Variants in KCTD16 observed in about 807,000 individuals in gnomAD.
KCTD16 encodes the protein potassium channel tetramerization domain containing 16.
Under a neutral mutation model 33.2 loss-of-function variants are expected in KCTD16, and 13 were observed. The observed-to-expected ratio is 0.39, with a 90% CI of 0.25 to 0.62. The LOEUF is 0.62. Among genes scored for constraint, KCTD16 ranks in the 20% least tolerant of loss-of-function variants. The pLI is 0.50. For synonymous variants in KCTD16, 197 were observed against 195.3 expected, an observed-to-expected ratio of 1.01 and a Z score of -0.07; for missense variants, 441 against 525.1, an observed-to-expected ratio of 0.84 and a Z score of 1.57.
intron 2 of KCTD16, among the ~76,000 whole-genome samples, chr5:144,205,057 A>G (rs1465011663): frequency 1.3e-5 from 2 of 152,150 alleles, no homozygotes; most frequent in Non-Finnish European, 2.9e-5. Context: ...TTTATCTCAC[A>G]ACTTACCTCT....
intron 3 of KCTD16, among the ~76,000 whole-genome samples, chr5:144,322,522 C>CAAA (rs542954295): frequency 1.6e-3 from 247 of 151,178 alleles, no homozygotes; most frequent in African/African-American, 5.8e-3. Flanking sequence ...AACAAACAAA[C>CAAA]AAAAAAAACA....
intron 3 of KCTD16, chr5:144,383,162 C>T (rs546791437): frequency 2.0e-5 from 3 of 152,206 alleles, no homozygotes; most frequent in African/African-American, 7.2e-5. Flanking sequence ...GAGCAGAAGA[C>T]GCATAGTTGA....
At chr5:144,271,851 T>C (rs1755306862) in intron 3 of KCTD16, among the ~76,000 whole-genome samples, 1 of 152,030 alleles carries the variant, frequency 6.6e-6, no homozygotes, top group Non-Finnish European at 1.5e-5. Flanking sequence ...AAAAATCAGT[T>C]GTATTTCTAT....
intron 2 of KCTD16, among the ~76,000 whole-genome samples, chr5:144,178,523 T>G (rs2126771947): frequency 6.6e-6 from 1 of 152,320 alleles, no homozygotes; most frequent in East Asian, 1.9e-4. Context: ...AACACATTTT[T>G]TCCTTTTGAT....
At chr5:144,363,664 G>A (rs1333117052) in intron 3 of KCTD16, among the ~76,000 whole-genome samples, 11 of 152,244 alleles carry the variant, frequency 7.2e-5, no homozygotes, top group African/African-American at 2.6e-4. Context: ...TGCCTCTGGA[G>A]AGGATGGGTG....
intron 3 of KCTD16, among the ~76,000 whole-genome samples, chr5:144,463,631 T>G (rs1754253601): frequency 6.6e-6 from 1 of 152,178 alleles, no homozygotes; most frequent in Admixed American, 6.5e-5. Flanking sequence ...TGCTTCTCTG[T>G]GGAAATTCTG....
At chr5:144,302,853 C>T (rs927984783) in intron 3 of KCTD16, among the ~76,000 whole-genome samples, 3 of 152,200 alleles carry the variant, frequency 2.0e-5, no homozygotes, top group Non-Finnish European at 4.4e-5. Context: ...AAAAAGCCCA[C>T]TTGGCCTCTT....
intron 3 of KCTD16, among the ~76,000 whole-genome samples, chr5:144,388,902 A>G (rs1435773546): frequency 6.6e-6 from 1 of 152,194 alleles, no homozygotes; most frequent in Non-Finnish European, 1.5e-5. Flanking sequence ...ATATGTACAT[A>G]TATGTGTCTT....
intron 3 of KCTD16, among the ~76,000 whole-genome samples, chr5:144,222,823 C>T (rs993741998): frequency 2.0e-4 from 31 of 152,186 alleles, no homozygotes; most frequent in Non-Finnish European, 4.1e-4. Context: ...AATCATGCTG[C>T]TATAAAGACA....
At chr5:144,241,837 C>T (rs974988667) in intron 3 of KCTD16, among the ~76,000 whole-genome samples, 2 of 152,154 alleles carry the variant, frequency 1.3e-5, no homozygotes, top group Non-Finnish European at 2.9e-5. Context: ...TAGGAAAAAA[C>T]AACACAAATC....
chr5:144,287,014 A>G (rs1755764128), intron 3 of KCTD16, among the ~76,000 whole-genome samples: 1 of 152,238 alleles, frequency 6.6e-6, no homozygotes, highest in Non-Finnish European at 1.5e-5. Context: ...ATTATCCAAG[A>G]CAGAATTAAA....
intron 3 of KCTD16, among the ~76,000 whole-genome samples, chr5:144,295,469 G>A (rs997925807): frequency 2.0e-5 from 3 of 152,154 alleles, no homozygotes; most frequent in East Asian, 1.9e-4. Context: ...AAACTCCAGG[G>A]GAGGCAGTGT....
chr5:144,236,978 C>T (rs1754271058), intron 3 of KCTD16, among the ~76,000 whole-genome samples: 2 of 151,980 alleles, frequency 1.3e-5, no homozygotes, highest in South Asian at 2.1e-4. Flanking sequence ...TGAAAAATGC[C>T]CCATGACTAA....
intron 3 of KCTD16, among the ~76,000 whole-genome samples, chr5:144,361,335 T>C (rs566196485): frequency 2.6e-5 from 4 of 152,298 alleles, no homozygotes; most frequent in Admixed American, 2.6e-4. Flanking sequence ...TTGTTGGGGA[T>C]GTTATAAGAT....
intron 2 of KCTD16, among the ~76,000 whole-genome samples, chr5:144,203,806 A>G (rs574006282): frequency 5.5e-4 from 84 of 152,352 alleles, no homozygotes; most frequent in African/African-American, 1.9e-3. Flanking sequence ...TTTTGTTGTC[A>G]TGGTGAGCAG....
intron 3 of KCTD16, among the ~76,000 whole-genome samples, chr5:144,264,003 G>A (rs1008479710): frequency 2.6e-5 from 4 of 152,130 alleles, no homozygotes; most frequent in Admixed American, 1.3e-4. Flanking sequence ...TCTAAACCTT[G>A]TTACCTCCTC....
chr5:144,199,005 CT>C (rs1752991044), intron 2 of KCTD16, among the ~76,000 whole-genome samples: 1 of 152,126 alleles, frequency 6.6e-6, no homozygotes, highest in Non-Finnish European at 1.5e-5. Context: ...ACTCTATTTC[CT>C]TAAGTTGCTT....
intron 3 of KCTD16, among the ~76,000 whole-genome samples, chr5:144,278,026 A>G (rs1755485824): frequency 6.6e-6 from 1 of 152,138 alleles, no homozygotes; most frequent in South Asian, 2.1e-4. Context: ...TTAAATTTTG[A>G]AAGAGTCACA....
intron 3 of KCTD16, among the ~76,000 whole-genome samples, chr5:144,288,480 A>G (rs1379572958): frequency 1.3e-5 from 2 of 152,144 alleles, no homozygotes; most frequent in African/African-American, 4.8e-5. Context: ...CACCAATGGC[A>G]TCACCAGATT....
Sources: gnomAD v4.1 joint callset for allele counts (sites outside exome capture counted in the v4.1 genomes callset) on GRCh38, gnomAD v4.1.1 for gene constraint, MANE v1.5 for transcripts, NCBI Gene and HGNC (gene_info 2026-07-23, HGNC 2026-07-21) for gene names.